OCA2: variants seen among roughly 807,000 people sequenced by gnomAD.
OCA2 encodes the protein P protein.
In OCA2, 77 loss-of-function variants were observed where a neutral mutation model predicts 100.2. The ratio of observed to expected loss-of-function variants is 0.77; its 90% CI spans 0.64 to 0.93. The LOEUF (loss-of-function observed/expected upper bound fraction) is 0.93. OCA2 is among the 40% of genes least tolerant of loss of function. The pLI is 0.00. For synonymous variants in OCA2, 432 were observed against 439.2 expected, an observed-to-expected ratio of 0.98 and a Z score of 0.21; for missense variants, 1,062 against 1,089.1, an observed-to-expected ratio of 0.98 and a Z score of 0.35.
At chr15:27,743,863 G>A in the OCA2 span, among the ~76,000 whole-genome samples, 3 of 152,052 alleles carry the variant, frequency 2.0e-5, no homozygotes, top group Admixed American at 6.5e-5. Context: ...CTTCCCTCCC[G>A]CAGCCAGGTC....
rs149621513 is a variant in OCA2, at chr15:28,017,579, G to C, written c.807+818C>G. ...AGCCGGTTCAGAACATTGGTGTTGC[G>C]TCAGCCACGGTCCAGGACACTGCAT... On this transcript the variant is annotated intron_variant, in intron 7 of 23. Coordinates refer to ENST00000354638, the MANE Select transcript of OCA2 (RefSeq NM_000275.3). 2.4e-3 allele frequency among the ~76,000 whole-genome samples: 360 copies of C among 152,306 alleles called. 1 individual carries two copies. Among genetic ancestry groups the C allele is most frequent in the South Asian group, 6.0e-3 (29 of 4,828 alleles).
intron 9 of OCA2, among the ~76,000 whole-genome samples, chr15:28,009,684 T>TCACACACACACACAAACA (rs2042185873): frequency 7.2e-6 from 1 of 138,008 alleles, no homozygotes; most frequent in Non-Finnish European, 1.6e-5. Context: ...CGAGATTCTG[T>TCACACACACACACAAACA]CACACACACA....
intron 11 of OCA2, among the ~76,000 whole-genome samples, chr15:27,988,927 G>A (rs1595772476): frequency 6.6e-6 from 1 of 152,294 alleles, no homozygotes; most frequent in South Asian, 2.1e-4. Flanking sequence ...GGGACGAAAT[G>A]TTGGCAAGGA....
chr15:27,878,345 T>C (rs2036874687), intron 19 of OCA2, among the ~76,000 whole-genome samples: 1 of 152,170 alleles, frequency 6.6e-6, no homozygotes, highest in Non-Finnish European at 1.5e-5. Context: ...TGTAGTATCA[T>C]TTTGCTTCAT....
At chr15:27,776,281 T>G (rs1404977050) in intron 23 of OCA2, among the ~76,000 whole-genome samples, 1 of 152,242 alleles carries the variant, frequency 6.6e-6, no homozygotes, top group Non-Finnish European at 1.5e-5. Flanking sequence ...GAAGCCATTC[T>G]GCACACCATC....
At chr15:27,746,100 T>C in the OCA2 span, among the ~76,000 whole-genome samples, 2,051 of 152,354 alleles carry the variant, frequency 0.013, 26 homozygotes, top group South Asian at 0.054. Flanking sequence ...TGGTCACTCA[T>C]ATTTGGTTCA....
chr15:27,723,521 C>T, the OCA2 span, among the ~76,000 whole-genome samples: 1 of 151,836 alleles, frequency 6.6e-6, no homozygotes, highest in African/African-American at 2.4e-5. Context: ...CAGAAGGGCA[C>T]CCCCACCACC....
chr15:27,879,010 C>G (rs571964398), intron 19 of OCA2, among the ~76,000 whole-genome samples: 2 of 152,192 alleles, frequency 1.3e-5, no homozygotes, highest in African/African-American at 2.4e-5. Context: ...CTCCCTCCCC[C>G]TTTTCCCCCT....
intron 2 of OCA2, among the ~76,000 whole-genome samples, chr15:28,049,011 A>G (rs2043426941): frequency 6.6e-6 from 1 of 152,214 alleles, no homozygotes; most frequent in South Asian, 2.1e-4. Context: ...CAAAAACAAG[A>G]GAACAAAAGA....
chr15:27,738,454 G>A, the OCA2 span, among the ~76,000 whole-genome samples: 1 of 152,156 alleles, frequency 6.6e-6, no homozygotes, highest in Non-Finnish European at 1.5e-5. Flanking sequence ...CTCAACGCCG[G>A]GCCGGGCGCG....
At chr15:28,095,770 T>C (rs1400644462) in intron 1 of OCA2, among the ~76,000 whole-genome samples, 1 of 151,010 alleles carries the variant, frequency 6.6e-6, no homozygotes, top group Non-Finnish European at 1.5e-5. Context: ...TCTGACATAA[T>C]ACCGGCAAGG....
chr15:27,795,624 A>G (rs1230841823), intron 23 of OCA2, among the ~76,000 whole-genome samples: 1 of 152,226 alleles, frequency 6.6e-6, no homozygotes, highest in Non-Finnish European at 1.5e-5. Flanking sequence ...TCTCCATATC[A>G]TTAAGGATCT....
chr15:28,067,707 T>C (rs546097086), intron 2 of OCA2, among the ~76,000 whole-genome samples: 1 of 152,196 alleles, frequency 6.6e-6, no homozygotes, highest in African/African-American at 2.4e-5. Flanking sequence ...ATGTGCTTGG[T>C]ATTATTTCGA....
At position 27,869,896 on chromosome 15, in the gene OCA2, C is replaced by A. The variant is rs112043152; in HGVS notation, c.2244+1258G>T. ...GAGGTGGAGCCAGCTGGGCCACAGCCGGGACATTTGACAACAGCCGCAAGA... is the reference window on the plus strand; with the variant it reads ...GAGGTGGAGCCAGCTGGGCCACAGCAGGGACATTTGACAACAGCCGCAAGA... On this transcript the variant is annotated intron_variant, in intron 21 of 23. Coordinates refer to ENST00000354638, the MANE Select transcript of OCA2 (RefSeq NM_000275.3). 5.3e-5 allele frequency among the ~76,000 whole-genome samples: 8 copies of A among 152,230 alleles called. No individual in the cohort carries two copies. In the East Asian group the frequency reaches 7.7e-4, roughly 15 times the overall value.
intron 2 of OCA2, among the ~76,000 whole-genome samples, chr15:28,040,227 AAATT>A (rs1474990938): frequency 6.6e-6 from 1 of 152,180 alleles, no homozygotes; most frequent in Non-Finnish European, 1.5e-5. Context: ...AACAGTGAGA[AAATT>A]AATTTTTGTT....
Position 28,006,092 on chromosome 15 carries a change from C to T in OCA2, c.1044+8684G>A, listed in dbSNP as rs144045066. On this transcript the variant is annotated intron_variant, in intron 9 of 23. Transcript: ENST00000354638. ...AAATGGAGGTGGTGATAAAGTCTGCCTCATGGGGTTGTGGGGTTGTCCATT... is the reference window on the plus strand; with the variant it reads ...AAATGGAGGTGGTGATAAAGTCTGCTTCATGGGGTTGTGGGGTTGTCCATT... 1.5e-3 allele frequency among the ~76,000 whole-genome samples: 226 copies of T among 152,262 alleles called. 1 individual carries two copies. Among genetic ancestry groups the T allele is most frequent in the African/African-American group, 5.2e-3 (215 of 41,552 alleles).
chr15:27,764,755 T>C (rs1045251816), intron 23 of OCA2, among the ~76,000 whole-genome samples: 1 of 152,154 alleles, frequency 6.6e-6, no homozygotes, highest in African/African-American at 2.4e-5. Context: ...GTGAAGGAGT[T>C]ACAGGAAAGG....
chr15:27,904,512 G>C (rs1279686093), intron 19 of OCA2, among the ~76,000 whole-genome samples: 3 of 152,156 alleles, frequency 2.0e-5, no homozygotes, highest in East Asian at 1.9e-4. Context: ...CAGAGAAGAA[G>C]AGGGAGCTCA....
intron 18 of OCA2, among the ~76,000 whole-genome samples, chr15:27,927,660 G>T (rs1045902002): frequency 2.0e-5 from 3 of 151,930 alleles, no homozygotes; most frequent in Non-Finnish European, 4.4e-5. Flanking sequence ...GAGAATTCCA[G>T]TTCTTCCACA....
Sources: gnomAD v4.1 joint callset for allele counts (sites outside exome capture counted in the v4.1 genomes callset) on GRCh38, gnomAD v4.1.1 for gene constraint, MANE v1.5 for transcripts, NCBI Gene and HGNC (gene_info 2026-07-23, HGNC 2026-07-21) for gene names.